Variants in TACC2 observed in about 807,000 individuals in gnomAD.
The protein encoded by TACC2 is transforming acidic coiled-coil containing protein 2.
Under a neutral mutation model 227.3 loss-of-function variants are expected in TACC2, and 137 were observed. The ratio of observed to expected loss-of-function variants is 0.60; its 90% CI spans 0.52 to 0.69. TACC2 has a LOEUF of 0.69. Ranked by LOEUF, TACC2 falls within the 30% of genes least tolerant of loss-of-function variation. The pLI, the probability that TACC2 is intolerant of heterozygous loss-of-function variation, is 0.00. For synonymous variants in TACC2, 1,523 were observed against 1,487.5 expected (o/e 1.02, Z -0.55); for missense variants, 3,470 against 3,694.4 (o/e 0.94, Z 1.57).
At chr10:122,226,801 C>T (rs1211863309) in intron 13 of TACC2, among the ~76,000 whole-genome samples, 1 of 152,140 alleles carries the variant, frequency 6.6e-6, no homozygotes, top group African/African-American at 2.4e-5. Flanking sequence ...TTGTTACTGG[C>T]TACCCTTTGG....
intron 1 of TACC2, among the ~76,000 whole-genome samples, chr10:122,017,222 A>AGTTTCTGGAGGGTGGTTTCTGGAAAGTG (rs1956766892): frequency 3.3e-5 from 5 of 152,068 alleles, no homozygotes; most frequent in African/African-American, 1.2e-4. Flanking sequence ...CAGAGTTGAC[A>AGTTTCTGGAGGGTGGTTTCTGGAAAGTG]GTTTCTGGAG....
intron 5 of TACC2, among the ~76,000 whole-genome samples, chr10:122,118,221 G>A (rs2085083603): frequency 6.6e-6 from 1 of 152,028 alleles, no homozygotes; most frequent in Admixed American, 6.6e-5. Flanking sequence ...CACCATGTTG[G>A]CTGGGCTGGT....
rs1188822419 is a variant in TACC2 at position 122,090,546 on chromosome 10, CA to C, written c.5573+1971del. Among the ~76,000 whole-genome samples, 269 of 41,106 alleles carry C rather than the reference CA, an allele frequency of 6.5e-3. 1 individual carries two copies. Among genetic ancestry groups the C allele is most frequent in the African/African-American group, 0.02 (226 of 11,462 alleles). The allele number at this position is 41,106 out of a possible 152,430, so 27.0% of individuals were successfully genotyped here. ...TGGGTGACAGAGTGAGACTCTATCT[CA>C]AAAAAAAAAAAAAAAGAAAAAAAAA... On this transcript the variant is annotated intron_variant, in intron 5 of 22. Coordinates refer to ENST00000369005, the MANE Select transcript of TACC2 (RefSeq NM_206862.4).
intron 5 of TACC2, among the ~76,000 whole-genome samples, chr10:122,119,599 G>A (rs941511842): frequency 6.6e-6 from 1 of 151,590 alleles, no homozygotes; most frequent in Admixed American, 6.6e-5. Context: ...GCATCTGGCT[G>A]AGTTTATTTG....
intron 1 of TACC2, among the ~76,000 whole-genome samples, chr10:122,005,553 T>A (rs1384372122): frequency 2.0e-5 from 3 of 150,636 alleles, no homozygotes; most frequent in African/African-American, 4.9e-5. Flanking sequence ...CCCGGCTGAT[T>A]TTTTGTATTT....
At chr10:122,112,799 TGTGCGTCCATCGGTCC>T (rs1310568589) in intron 5 of TACC2, among the ~76,000 whole-genome samples, 2 of 152,178 alleles carry the variant, frequency 1.3e-5, no homozygotes, top group Non-Finnish European at 2.9e-5. Context: ...GCGGCCGGGC[TGTGCGTCCATCGGTCC>T]GTGCGTCTCT....
intron 7 of TACC2, chr10:122,163,793 G>A: frequency 8.1e-7 from 1 of 1,237,830 alleles, no homozygotes; most frequent in Non-Finnish European, 1.0e-6. Flanking sequence ...CGCCACGGAT[G>A]CCCGCAGCTG....
intron 3 of TACC2, among the ~76,000 whole-genome samples, chr10:122,058,475 C>T (rs2076432537): frequency 6.6e-6 from 1 of 152,198 alleles, no homozygotes; most frequent in Non-Finnish European, 1.5e-5. Flanking sequence ...GTGGCGCGAT[C>T]TTGGCTCACT....
At chr10:122,063,710 T>C (rs908126058) in intron 3 of TACC2, among the ~76,000 whole-genome samples, 4 of 152,090 alleles carry the variant, frequency 2.6e-5, no homozygotes, top group Non-Finnish European at 5.9e-5. Context: ...CACTCTTCTT[T>C]TTTCTAGTTC....
intron 5 of TACC2, among the ~76,000 whole-genome samples, chr10:122,089,707 C>A (rs1280502008): frequency 2.0e-5 from 3 of 151,792 alleles, no homozygotes; most frequent in Non-Finnish European, 4.4e-5. Context: ...AAATTAGTAC[C>A]TGTGTACCCT....
At chr10:122,111,797 A>G (rs1011521097) in intron 5 of TACC2, among the ~76,000 whole-genome samples, 1 of 152,128 alleles carries the variant, frequency 6.6e-6, no homozygotes, top group African/African-American at 2.4e-5. Context: ...AAGACTGGGC[A>G]TTTCCATTCT....
chr10:122,224,896 T>TCTGTGCACCCGGGAAG, intron 12 of TACC2, 109 bp downstream of exon 12: 2 of 904,806 alleles, frequency 2.2e-6, no homozygotes, highest in Non-Finnish European at 3.6e-6. Context: ...TCGAGTGTTT[T>TCTGTGCACCCGGGAAG]CTGTGTACAC....
Position 122,031,379 on chromosome 10 carries a change from C to T in TACC2, c.33+9365C>T, listed in dbSNP as rs190476856. The stretch of plus-strand genomic sequence containing the variant: ...CAGGTCCAGCCTTCCATGCTTCTTC[C>T]GGCCAATGGTCTAGCCTCTTTTTTT... On this transcript the variant is annotated intron_variant, in intron 2 of 22. Coordinates refer to ENST00000369005, the MANE Select transcript of TACC2 (RefSeq NM_206862.4). 1.2e-3 allele frequency among the ~76,000 whole-genome samples: 172 copies of T among 149,332 alleles called. 1 individual carries two copies. The highest frequency in any genetic ancestry group is 8.3e-3 in the South Asian group (39 of 4,710).
chr10:122,164,994 G>A (rs2093067712), intron 7 of TACC2, among the ~76,000 whole-genome samples: 1 of 152,112 alleles, frequency 6.6e-6, no homozygotes, highest in Non-Finnish European at 1.5e-5. Context: ...CTTCAGTGAG[G>A]AGCTGGCTCG....
chr10:121,999,777 AATAG>A (rs146038373), intron 1 of TACC2, among the ~76,000 whole-genome samples: 4,411 of 152,334 alleles, frequency 0.029, 95 homozygotes, highest in Non-Finnish European at 0.042. Flanking sequence ...GCAGCTATTA[AATAG>A]ATAGAGGAAA....
intron 5 of TACC2, among the ~76,000 whole-genome samples, chr10:122,102,585 A>C (rs1157519785): frequency 1.3e-5 from 2 of 152,220 alleles, no homozygotes; most frequent in Non-Finnish European, 2.9e-5. Flanking sequence ...TACAGCAGGC[A>C]GGGCATTGCT....
At chr10:122,225,016 G>A (rs369476213) in intron 12 of TACC2, among the ~76,000 whole-genome samples, 1 of 150,632 alleles carries the variant, frequency 6.6e-6, no homozygotes, top group Non-Finnish European at 1.5e-5. Flanking sequence ...ACAATTAGAC[G>A]TCCTGCAGAA....
intron 6 of TACC2, 115 bp downstream of exon 6, chr10:122,132,849 C>A: frequency 1.9e-6 from 2 of 1,033,720 alleles, no homozygotes; most frequent in African/African-American, 2.3e-5. Context: ...GCAGTTTCAC[C>A]CCCTCTGCAC....
intron 1 of TACC2, among the ~76,000 whole-genome samples, chr10:121,990,324 G>C (rs1952977827): frequency 6.6e-6 from 1 of 151,670 alleles, no homozygotes. Flanking sequence ...CGCCGTGTTG[G>C]CCAGGCTGGT....
Sources: allele counts gnomAD v4.1 joint callset (sites outside exome capture counted in the v4.1 genomes callset), GRCh38; gene constraint gnomAD v4.1.1; transcripts MANE v1.5; gene names NCBI Gene and HGNC (gene_info 2026-07-23, HGNC 2026-07-21).